Variants in SEMA6D observed in about 807,000 individuals in gnomAD.
SEMA6D encodes semaphorin 6D.
Under a neutral mutation model 106.6 loss-of-function variants are expected in SEMA6D, and 35 were observed. That is an observed-to-expected ratio of 0.33 (90% CI 0.25 to 0.44). The LOEUF is 0.44. Ranked by LOEUF, SEMA6D falls within the 20% of genes least tolerant of loss-of-function variation. The pLI, the probability that SEMA6D is intolerant of heterozygous loss-of-function variation, is 1.00. For synonymous variants in SEMA6D, 499 were observed against 487.7 expected, an observed-to-expected ratio of 1.02 and a Z score of -0.31; for missense variants, 1,185 against 1,345.9, an observed-to-expected ratio of 0.88 and a Z score of 1.87.
At position 47,238,101 on chromosome 15, in the gene SEMA6D, G is replaced by T. The variant is rs564662180; in HGVS notation, c.-239+53683G>T. Among the ~76,000 whole-genome samples the T allele has an allele frequency of 2.6e-5, 4 of 152,022 alleles. No individual in the cohort carries two copies. In the South Asian group the frequency reaches 6.2e-4, roughly 24 times the overall value. ...TTTTGGTATATACATGTTCTTTTTTGCTGTAGTGCATTTTTATTTTTGTCA... is the reference window on the plus strand; with the variant it reads ...TTTTGGTATATACATGTTCTTTTTTTCTGTAGTGCATTTTTATTTTTGTCA... On this transcript the variant is annotated intron_variant, in intron 1 of 19. Coordinates refer to the SEMA6D transcript ENST00000558014.
chr15:47,661,193 T>C (rs1336962385), intron 4 of SEMA6D, among the ~76,000 whole-genome samples: 1 of 152,220 alleles, frequency 6.6e-6, no homozygotes. Context: ...GGGGAAACTG[T>C]TTCCTAAGAA....
chr15:47,552,328 G>A (rs971791957), intron 3 of SEMA6D, among the ~76,000 whole-genome samples: 1 of 151,966 alleles, frequency 6.6e-6, no homozygotes, highest in Non-Finnish European at 1.5e-5. Context: ...ATGACAATGA[G>A]TAACAATAAA....
At chr15:47,494,488 T>G (rs994733788) in intron 3 of SEMA6D, among the ~76,000 whole-genome samples, 1 of 151,820 alleles carries the variant, frequency 6.6e-6, no homozygotes, top group Non-Finnish European at 1.5e-5. Flanking sequence ...AAGGTTTTTC[T>G]GTACTGAAAT....
chr15:47,327,756 G>A (rs2143952546), intron 1 of SEMA6D, among the ~76,000 whole-genome samples: 1 of 152,286 alleles, frequency 6.6e-6, no homozygotes, highest in Middle Eastern at 3.4e-3. Flanking sequence ...CTCTCTATGG[G>A]GGAAGGACTG....
intron 4 of SEMA6D, among the ~76,000 whole-genome samples, chr15:47,707,612 C>T (rs923615557): frequency 2.0e-5 from 3 of 152,276 alleles, no homozygotes; most frequent in South Asian, 4.1e-4. Flanking sequence ...TTCTTGTGCA[C>T]GTTCTCTTGA....
At chr15:47,730,407 C>A in intron 1 of SEMA6D, 3 of 1,429,072 alleles carry the variant, frequency 2.1e-6, no homozygotes, top group Admixed American at 3.5e-5. Context: ...CAGTAAGGGA[C>A]CCCCATTTTA....
At position 47,232,541 on chromosome 15, in the gene SEMA6D, G is replaced by C. The variant is rs1242144976; in HGVS notation, c.-239+48123G>C. 4.0e-5 allele frequency among the ~76,000 whole-genome samples: 6 copies of C among 151,864 alleles called. No individual in the cohort carries two copies. In the East Asian group the frequency reaches 1.2e-3, roughly 29 times the overall value. ...ATGGGGGGAGGGTGTGTGTGTGTGT[G>C]TGTGTGTGTGTGTGTATTTTATTAC... On this transcript the variant is annotated intron_variant, in intron 1 of 19. Coordinates refer to the SEMA6D transcript ENST00000558014.
rs976937838 is a variant in SEMA6D, at chr15:47,665,297, T to C, written c.-55+64401T>C. Among the ~76,000 whole-genome samples the C allele has an allele frequency of 9.2e-5, 14 of 152,234 alleles. 1 individual carries two copies. In the South Asian group the frequency reaches 2.7e-3, roughly 29 times the overall value. On this transcript the variant is annotated intron_variant, in intron 4 of 19. Coordinates refer to the SEMA6D transcript ENST00000558014. ...TCCTCTACGTTTAATTGTTCTAAAC[T>C]ATTGCTTTCCATCTTCCTTTTCATT...
intron 1 of SEMA6D, among the ~76,000 whole-genome samples, chr15:47,263,823 G>A (rs1030797261): frequency 6.6e-6 from 1 of 150,854 alleles, no homozygotes; most frequent in Non-Finnish European, 1.5e-5. Context: ...TGGGCATTAA[G>A]GTTGATGGGA....
intron 3 of SEMA6D, among the ~76,000 whole-genome samples, chr15:47,552,864 A>ATATATATATATATATATATATT (rs2045778246): frequency 1.5e-5 from 1 of 64,644 alleles, no homozygotes; most frequent in African/African-American, 1.3e-4. Context: ...ATATATATAT[A>ATATATATATATATATATATATT]TTTTTATATA....
chr15:47,521,701 C>T (rs2044583925), intron 3 of SEMA6D, among the ~76,000 whole-genome samples: 1 of 152,102 alleles, frequency 6.6e-6, no homozygotes, highest in Non-Finnish European at 1.5e-5. Context: ...CATAAAGATT[C>T]ACGGCTGGGC....
chr15:47,647,655 G>A (rs558676775), intron 4 of SEMA6D, among the ~76,000 whole-genome samples: 3 of 150,828 alleles, frequency 2.0e-5, no homozygotes, highest in East Asian at 3.9e-4. Context: ...ACTCTTTAAC[G>A]TTCTATTGAA....
rs2082742216 is a variant in SEMA6D, at chr15:47,774,112, C to G, written c.*2327C>G. ...TGTCTCTATACTGTTTTATAGAGTA[C>G]TTTAACATGAATAGATACCTTGTAA... On this transcript the variant is annotated 3_prime_UTR_variant, in exon 19 of 19. Coordinates refer to ENST00000536845, the MANE Select transcript of SEMA6D (RefSeq NM_001358351.3). 1 of 152,494 alleles carries G rather than the reference C, an allele frequency of 6.6e-6. No individual in the cohort carries two copies. The highest frequency in any genetic ancestry group is 2.4e-5 in the African/African-American group (1 of 41,414). The allele number at this position is 152,494 out of a possible 1,614,324, so 9.4% of individuals were successfully genotyped here. A position where few individuals can be genotyped will look rare whatever the true frequency, so the allele number is the denominator to read the frequency against.
chr15:47,473,169 C>A, intron 3 of SEMA6D, among the ~76,000 whole-genome samples: 1 of 152,292 alleles, frequency 6.6e-6, no homozygotes, highest in South Asian at 2.1e-4. Context: ...GGCAGACAGG[C>A]CTCCCTGGAA....
At chr15:47,403,788 ATGGGGCTGGCTCT>A (rs758472700) in intron 1 of SEMA6D, among the ~76,000 whole-genome samples, 14 of 152,088 alleles carry the variant, frequency 9.2e-5, no homozygotes, top group Non-Finnish European at 1.3e-4. Flanking sequence ...GGTGTGGGAG[ATGGGGCTGGCTCT>A]TCCTTTGGTG....
chr15:47,524,116 C>T (rs1317513491), intron 3 of SEMA6D, among the ~76,000 whole-genome samples: 4 of 152,156 alleles, frequency 2.6e-5, no homozygotes, highest in South Asian at 2.1e-4. Context: ...CTATTGCCAC[C>T]GATACAAACT....
intron 4 of SEMA6D, among the ~76,000 whole-genome samples, chr15:47,673,791 A>C (rs2078185238): frequency 6.6e-6 from 1 of 152,196 alleles, no homozygotes; most frequent in Non-Finnish European, 1.5e-5. Context: ...TGATGCCTGC[A>C]GAAGTGCCCT....
chr15:47,586,033 T>G (rs1458103646), intron 3 of SEMA6D, among the ~76,000 whole-genome samples: 1 of 152,234 alleles, frequency 6.6e-6, no homozygotes, highest in Non-Finnish European at 1.5e-5. Context: ...TCAAATTCTG[T>G]AATACTCACT....
At chr15:47,388,365 A>C (rs1451037908) in intron 1 of SEMA6D, among the ~76,000 whole-genome samples, 1 of 152,160 alleles carries the variant, frequency 6.6e-6, no homozygotes, top group African/African-American at 2.4e-5. Flanking sequence ...CAGTCCAAAA[A>C]TATGAAATGG....
Sources: allele counts gnomAD v4.1 joint callset (sites outside exome capture counted in the v4.1 genomes callset), GRCh38; gene constraint gnomAD v4.1.1; transcripts MANE v1.5; gene names NCBI Gene and HGNC (gene_info 2026-07-23, HGNC 2026-07-21).